The following ACOXL variants were observed in gnomAD, a reference collection of about 807,000 sequenced individuals.
The protein encoded by ACOXL is acyl-CoA oxidase like.
Under a neutral mutation model 71.9 loss-of-function variants are expected in ACOXL, and 70 were observed. The observed-to-expected ratio is 0.97, with a 90% CI of 0.80 to 1.19. The LOEUF (loss-of-function observed/expected upper bound fraction) is 1.19. Ranked by LOEUF, ACOXL falls within the 50% of genes most tolerant of loss-of-function variation. The pLI, the probability that ACOXL is intolerant of heterozygous loss-of-function variation, is 0.00. For synonymous variants in ACOXL, 253 were observed against 281.6 expected, an observed-to-expected ratio of 0.90 and a Z score of 1.02; for missense variants, 703 against 736.3, an observed-to-expected ratio of 0.95 and a Z score of 0.52.
chr2:110,963,762 A>G (rs2061809679), intron 12 of ACOXL: 2 of 1,606,870 alleles, frequency 1.2e-6, no homozygotes, highest in Non-Finnish European at 1.7e-6. Flanking sequence ...CAGAAGTCTG[A>G]AGTGTTTCAT....
chr2:111,016,497 T>C (rs775075418), intron 14 of ACOXL: 8 of 152,162 alleles, frequency 5.3e-5, no homozygotes, highest in Admixed American at 1.3e-4. Context: ...GTCAGACAGA[T>C]TGTTTGCATT....
chr2:110,851,791 T>C (rs759819303), intron 10 of ACOXL, among the ~76,000 whole-genome samples: 9 of 152,212 alleles, frequency 5.9e-5, no homozygotes, highest in Non-Finnish European at 1.3e-4. Context: ...CTCAACCACC[T>C]GGAAAACTCT....
intron 1 of ACOXL, among the ~76,000 whole-genome samples, chr2:110,735,829 G>A (rs1299158054): frequency 6.6e-6 from 1 of 152,206 alleles, no homozygotes; most frequent in East Asian, 1.9e-4. Flanking sequence ...CATCTGAAAT[G>A]AGATAAGCTT....
At chr2:111,006,095 T>G (rs1446296747) in intron 14 of ACOXL, among the ~76,000 whole-genome samples, 1 of 152,232 alleles carries the variant, frequency 6.6e-6, no homozygotes, top group African/African-American at 2.4e-5. Context: ...CCAGATTTTC[T>G]GAGCTCACAG....
At chr2:111,055,855 G>A (rs1339601929) in intron 16 of ACOXL, among the ~76,000 whole-genome samples, 1 of 152,144 alleles carries the variant, frequency 6.6e-6, no homozygotes, top group Admixed American at 6.5e-5. Flanking sequence ...AGAGTTGTGG[G>A]TGGGCTGTGG....
At chr2:110,804,577 A>G (rs1686399306) in intron 8 of ACOXL, among the ~76,000 whole-genome samples, 1 of 152,234 alleles carries the variant, frequency 6.6e-6, no homozygotes, top group South Asian at 2.1e-4. Flanking sequence ...GGGGAAGATA[A>G]TCCAAATATC....
At chr2:110,861,977 C>T (rs1694009401) in intron 10 of ACOXL, among the ~76,000 whole-genome samples, 2 of 152,192 alleles carry the variant, frequency 1.3e-5, no homozygotes, top group East Asian at 1.9e-4. Context: ...ATAAAAGGCA[C>T]CTCCACGGGC....
In ACOXL at chr2:110,993,631, C is replaced by A. The variant is rs373458926; in HGVS notation, c.1170-2262C>A. Among the ~76,000 whole-genome samples, 4 of 152,234 alleles carry A rather than the reference C, an allele frequency of 2.6e-5. No homozygotes were observed. The East Asian group carries it at 5.8e-4, about 22-fold the overall frequency. On this transcript the variant is annotated intron_variant, in intron 13 of 17. Transcript: ENST00000439055. ...TTTTTGTGAGCATATGTTTTTATTT[C>A]TCTTAGGCAATTAGTAGGAGTGAAA...
intron 10 of ACOXL, among the ~76,000 whole-genome samples, chr2:110,859,150 A>G (rs1003153954): frequency 6.6e-5 from 10 of 152,240 alleles, no homozygotes; most frequent in Admixed American, 3.3e-4. Flanking sequence ...GAGTTTAAAA[A>G]CAGAAACCTT....
chr2:110,978,535 G>A (rs1409213245), intron 12 of ACOXL, among the ~76,000 whole-genome samples: 1 of 152,140 alleles, frequency 6.6e-6, no homozygotes, highest in African/African-American at 2.4e-5. Context: ...AACCGGTGCA[G>A]GCTGGAAAAA....
At chr2:110,865,064 G>A (rs555493714) in intron 10 of ACOXL, among the ~76,000 whole-genome samples, 22 of 152,294 alleles carry the variant, frequency 1.4e-4, no homozygotes, top group Admixed American at 2.6e-4. Flanking sequence ...GATGATTTCC[G>A]TTTTTCCATG....
intron 16 of ACOXL, among the ~76,000 whole-genome samples, chr2:111,086,627 C>A (rs780380881): frequency 2.3e-4 from 35 of 151,986 alleles, no homozygotes; most frequent in Non-Finnish European, 4.4e-4. Context: ...TATTGAACAT[C>A]TTCGACAAAA....
At chr2:110,935,614 G>T (rs960804713) in intron 12 of ACOXL, among the ~76,000 whole-genome samples, 1 of 152,216 alleles carries the variant, frequency 6.6e-6, no homozygotes. Context: ...CCCCAGGCAC[G>T]CTGCCTCACA....
chr2:111,053,860 T>C (rs1424284388), intron 16 of ACOXL, among the ~76,000 whole-genome samples: 1 of 152,130 alleles, frequency 6.6e-6, no homozygotes, highest in Non-Finnish European at 1.5e-5. Flanking sequence ...TCGGATAAGC[T>C]GGAAAATATT....
chr2:110,986,982 G>A, intron 12 of ACOXL, 126 bp from the exon 13 acceptor site: 1 of 744,194 alleles, frequency 1.3e-6, no homozygotes, highest in South Asian at 1.8e-5. Context: ...GTAAGAATGA[G>A]GTCTTGTATT....
rs546409534 is a variant in ACOXL, at chr2:110,732,580, G to A, written c.-217G>A. On this transcript the variant is annotated 5_prime_UTR_variant, in exon 1 of 18. Coordinates refer to ENST00000439055, the MANE Select transcript of ACOXL (RefSeq NM_001142807.4). ...GCGTGCGCCTGGGGCCTCACCTGCT[G>A]GGAGCTGGAGGAGGCGCGGAGCGAA... 1.3e-5 allele frequency: 2 copies of A among 152,890 alleles called. No individual in the cohort carries two copies. Among genetic ancestry groups the A allele is most frequent in the South Asian group, 4.1e-4 (2 of 4,846 alleles). 9.5% of individuals were successfully genotyped at this position (152,890 alleles called of 1,614,324 possible). A position where few individuals can be genotyped will look rare whatever the true frequency, so the allele number is the denominator to read the frequency against.
intron 16 of ACOXL, among the ~76,000 whole-genome samples, chr2:111,069,339 A>G (rs2067228517): frequency 6.6e-6 from 1 of 151,846 alleles, no homozygotes; most frequent in African/African-American, 2.4e-5. Context: ...TTTAGTGGAG[A>G]TGGGGTTTCA....
intron 11 of ACOXL, among the ~76,000 whole-genome samples, chr2:110,928,663 A>G (rs1356934456): frequency 6.6e-6 from 1 of 152,190 alleles, no homozygotes; most frequent in Non-Finnish European, 1.5e-5. Flanking sequence ...GAATCTTACC[A>G]TGATGGTGGG....
intron 1 of ACOXL, among the ~76,000 whole-genome samples, chr2:110,745,866 G>A (rs990862741): frequency 6.6e-6 from 1 of 152,198 alleles, no homozygotes; most frequent in Non-Finnish European, 1.5e-5. Context: ...TCTTGAGAGT[G>A]CAGAACTTTG....
Sources: gnomAD v4.1 joint callset for allele counts (sites outside exome capture counted in the v4.1 genomes callset) on GRCh38, gnomAD v4.1.1 for gene constraint, MANE v1.5 for transcripts, NCBI Gene and HGNC (gene_info 2026-07-23, HGNC 2026-07-21) for gene names.